Variants in TIAM2 observed in about 807,000 individuals in gnomAD.
TIAM2 encodes TIAM Rac1 associated GEF 2.
TIAM2 carries 80 observed loss-of-function variants against 152.9 expected under a neutral mutation model. That is an observed-to-expected ratio of 0.52 (90% CI 0.44 to 0.63). TIAM2 has a LOEUF of 0.63. Ranked by LOEUF, TIAM2 falls within the 30% of genes least tolerant of loss-of-function variation. TIAM2 has a pLI of 0.00. For synonymous variants in TIAM2, 804 were observed against 838.0 expected (o/e 0.96, Z 0.70); for missense variants, 1,965 against 2,120.1 (o/e 0.93, Z 1.44).
In TIAM2 at chr6:155,045,087, G is replaced by A. The variant is rs1418612752; in HGVS notation, c.-208-45202G>A. 6.1e-5 allele frequency among the ~76,000 whole-genome samples: 7 copies of A among 115,140 alleles called. No individual in the cohort carries two copies. The Admixed American group carries it at 8.0e-4, about 13-fold the overall frequency. 75.5% of individuals were successfully genotyped at this position (115,140 alleles called of 152,430 possible). A position where few individuals can be genotyped will look rare whatever the true frequency, so the allele number is the denominator to read the frequency against. Reference sequence around the variant, plus strand: ...TTTTTTTGAGACAGAGTCTAGCACTGTTGCCTGGGCTGGAGTGCAGTGGCG... The same window carrying A: ...TTTTTTTGAGACAGAGTCTAGCACTATTGCCTGGGCTGGAGTGCAGTGGCG... On this transcript the variant is annotated intron_variant, in intron 1 of 26. Coordinates refer to ENST00000682666, the MANE Select transcript of TIAM2 (RefSeq NM_012454.4).
At chr6:155,077,907 T>G (rs1777992005) in intron 1 of TIAM2, among the ~76,000 whole-genome samples, 1 of 152,218 alleles carries the variant, frequency 6.6e-6, no homozygotes, top group Non-Finnish European at 1.5e-5. Flanking sequence ...GAATGAGCTC[T>G]TTCTACTTTG....
chr6:155,165,463 A>G, intron 9 of TIAM2, 54 bp downstream of exon 9: 3 of 1,565,164 alleles, frequency 1.9e-6, no homozygotes, highest in Non-Finnish European at 2.6e-6. Context: ...TGAAACCCCT[A>G]ATTTTCGGCC....
In TIAM2 at chr6:155,144,750, A is replaced by C; in HGVS notation, c.1775A>C (p.Asn592Thr). 1 of 1,610,416 alleles carries C rather than the reference A, an allele frequency of 6.2e-7. No homozygotes were observed. The highest frequency in any genetic ancestry group is 8.5e-7 in the Non-Finnish European group (1 of 1,178,716). ...AAAGAAAATGTGTTCTGCCTCAGCA[A>C]CTCCTTTGGAGATGTCTACCTTTTC... is the stretch of plus-strand genomic sequence containing the variant. ...PKKENVFCLSNSFGDVYLFQA... is the reference protein window; with the variant it reads ...PKKENVFCLSTSFGDVYLFQA... The change falls in exon 6 of 27, where the codon AAC becomes ACC. Residue 592 changes from asparagine (N) to threonine (T), a missense_variant. Coordinates refer to ENST00000682666, the MANE Select transcript of TIAM2 (RefSeq NM_012454.4).
intron 2 of TIAM2, among the ~76,000 whole-genome samples, chr6:155,116,822 G>A (rs1779024927): frequency 1.3e-5 from 2 of 152,120 alleles, no homozygotes; most frequent in Non-Finnish European, 2.9e-5. Context: ...TAAAAACGGA[G>A]GTTATTTAAA....
At chr6:155,171,388 TC>T (rs1780583584) in intron 9 of TIAM2, among the ~76,000 whole-genome samples, 1 of 152,190 alleles carries the variant, frequency 6.6e-6, no homozygotes. Flanking sequence ...GACAACAAAG[TC>T]CCCACTAAGG....
chr6:155,069,686 A>G (rs1777790805), intron 1 of TIAM2, among the ~76,000 whole-genome samples: 1 of 152,210 alleles, frequency 6.6e-6, no homozygotes, highest in Non-Finnish European at 1.5e-5. Context: ...AGTATTTTGC[A>G]TAGCAGCTAA....
intron 1 of TIAM2, among the ~76,000 whole-genome samples, chr6:155,066,766 G>GTTTT (rs55990592): frequency 6.6e-6 from 1 of 151,546 alleles, no homozygotes; most frequent in Non-Finnish European, 1.5e-5. Context: ...TTGTTTGTTT[G>GTTTT]TTTTTTTGAG....
intron 14 of TIAM2, among the ~76,000 whole-genome samples, chr6:155,207,151 A>G (rs1276665357): frequency 6.6e-6 from 1 of 152,228 alleles, no homozygotes; most frequent in African/African-American, 2.4e-5. Context: ...GGGGCTATGT[A>G]TAGGCATTTG....
At chr6:155,250,457 G>T (rs1783584666) in intron 21 of TIAM2, 1 of 1,176,252 alleles carries the variant, frequency 8.5e-7, no homozygotes, top group South Asian at 1.4e-5. Flanking sequence ...CATAGTTTAG[G>T]GAGAAAATGG....
At chr6:155,204,081 C>T (rs140157245) in intron 14 of TIAM2, among the ~76,000 whole-genome samples, 10 of 152,214 alleles carry the variant, frequency 6.6e-5, no homozygotes, top group South Asian at 2.1e-4. Context: ...GCAGTGATCA[C>T]GTTAATCCCA....
At chr6:155,173,615 T>C (rs1292983652) in intron 9 of TIAM2, among the ~76,000 whole-genome samples, 3 of 152,226 alleles carry the variant, frequency 2.0e-5, no homozygotes, top group African/African-American at 7.2e-5. Context: ...TGACTGTGAA[T>C]TTCTAGTTGT....
intron 2 of TIAM2, among the ~76,000 whole-genome samples, chr6:155,104,516 G>A (rs1041156662): frequency 3.3e-5 from 5 of 152,112 alleles, no homozygotes; most frequent in African/African-American, 9.7e-5. Context: ...CCAGCACTTT[G>A]GGAGGCCAAG....
intron 6 of TIAM2, among the ~76,000 whole-genome samples, chr6:155,147,306 T>C (rs997203352): frequency 2.0e-5 from 3 of 151,950 alleles, no homozygotes; most frequent in Non-Finnish European, 4.4e-5. Context: ...TTTATTTATT[T>C]ATTTATTTAT....
intron 15 of TIAM2, among the ~76,000 whole-genome samples, chr6:155,230,164 C>T (rs925206172): frequency 6.6e-6 from 1 of 152,112 alleles, no homozygotes; most frequent in African/African-American, 2.4e-5. Context: ...GCTGAACTCA[C>T]CTCCAGGTGG....
At chr6:155,188,212 A>G (rs912301595) in intron 14 of TIAM2, among the ~76,000 whole-genome samples, 8 of 152,082 alleles carry the variant, frequency 5.3e-5, no homozygotes, top group Non-Finnish European at 8.8e-5. Context: ...GTCGACTCTT[A>G]GCTCACCTCG....
chr6:155,007,260 T>C (rs931910400), intron 1 of TIAM2, among the ~76,000 whole-genome samples: 1 of 152,176 alleles, frequency 6.6e-6, no homozygotes, highest in Non-Finnish European at 1.5e-5. Context: ...GATCTAACCA[T>C]GTTAGTTAAC....
chr6:155,003,234 G>T (rs529583379), intron 1 of TIAM2, among the ~76,000 whole-genome samples: 7 of 152,140 alleles, frequency 4.6e-5, no homozygotes, highest in African/African-American at 9.7e-5. Context: ...CCGAAGCGTG[G>T]AATTGTGGCA....
At chr6:155,000,835 T>G (rs1373127908) in intron 1 of TIAM2, among the ~76,000 whole-genome samples, 1 of 152,096 alleles carries the variant, frequency 6.6e-6, no homozygotes, top group Non-Finnish European at 1.5e-5. Context: ...AATACAAAAA[T>G]TAGCTGGGTG....
intron 9 of TIAM2, among the ~76,000 whole-genome samples, chr6:155,169,724 G>A (rs1780532878): frequency 6.6e-6 from 1 of 152,132 alleles, no homozygotes; most frequent in African/African-American, 2.4e-5. Flanking sequence ...AAATCCTAGA[G>A]CATGAAATCC....
Sources: allele counts gnomAD v4.1 joint callset (sites outside exome capture counted in the v4.1 genomes callset), GRCh38; gene constraint gnomAD v4.1.1; transcripts MANE v1.5; gene names NCBI Gene and HGNC (gene_info 2026-07-23, HGNC 2026-07-21).